CCDC97: variants seen among roughly 807,000 people sequenced by gnomAD.
CCDC97 encodes the protein coiled-coil domain-containing protein 97.
A neutral mutation model predicts 33.9 loss-of-function variants in CCDC97; 27 were observed. The ratio of observed to expected loss-of-function variants is 0.80; its 90% CI spans 0.59 to 1.10. The LOEUF (loss-of-function observed/expected upper bound fraction) is 1.10. Among genes scored for constraint, CCDC97 ranks in the 50% least tolerant of loss-of-function variants. The pLI, the probability that CCDC97 is intolerant of heterozygous loss-of-function variation, is 0.00. For missense variants in CCDC97, 422 were observed against 476.6 expected, an observed-to-expected ratio of 0.89 and a Z score of 1.07; for synonymous variants, 217 against 194.0, an observed-to-expected ratio of 1.12 and a Z score of -0.99.
At chr19:41,319,511 C>A in intron 2 of CCDC97, 63 bp from the exon 3 acceptor site, 1 of 1,183,442 alleles carries the variant, frequency 8.4e-7, no homozygotes, top group Non-Finnish European at 1.2e-6. Context: ...CACACACATA[C>A]CCACATGGAC....
At position 41,316,763 on chromosome 19, in the gene CCDC97, G is replaced by C. The variant is rs2037753381; in HGVS notation, c.426G>C (p.Gln142His). ...ADFYCAEVAR[Q>H]GTARPRTLRT... ...TCTACTGTGCTGAGGTGGCCCGGCA[G>C]GGCACTGCCCGGCCCCGCACCCTGC... The change falls in exon 2 of 5, where the codon CAG becomes CAC. Residue 142 changes from glutamine (Q) to histidine (H), a missense_variant. Transcript: ENST00000269967. 1 of 1,612,816 alleles carries C rather than the reference G, an allele frequency of 6.2e-7. No individual in the cohort carries two copies. Among genetic ancestry groups the C allele is most frequent in the African/African-American group, 1.3e-5 (1 of 74,934 alleles).
chr19:41,317,771 C>T (rs1038751951), intron 2 of CCDC97, among the ~76,000 whole-genome samples: 65 of 149,632 alleles, frequency 4.3e-4, no homozygotes, highest in Non-Finnish European at 9.0e-4. Flanking sequence ...GAAGATGGGC[C>T]GGGCACAGTC....
chr19:41,310,655 C>A (rs1226378152), intron 1 of CCDC97: 7 of 1,322,566 alleles, frequency 5.3e-6, no homozygotes, highest in Non-Finnish European at 6.8e-6. Context: ...CCTCTCTACC[C>A]CGGCCTAATT....
At chr19:41,316,362 A>G in intron 1 of CCDC97, 22 bp from the exon 2 acceptor site, 1 of 1,592,748 alleles carries the variant, frequency 6.3e-7, no homozygotes, top group East Asian at 2.3e-5. Context: ...TCTCTGAACT[A>G]ACCAATCTCT....
chr19:41,312,376 C>CA (rs1327584933), intron 1 of CCDC97, among the ~76,000 whole-genome samples: 1 of 152,170 alleles, frequency 6.6e-6, no homozygotes, highest in Non-Finnish European at 1.5e-5. Flanking sequence ...TGAGCCACCA[C>CA]ACTTGGCCCA....
At position 41,310,211 on chromosome 19, in the gene CCDC97, G is replaced by T. The variant is rs771222461; in HGVS notation, c.-100G>T. ...GGTGCCTGGGCGCAGCGGTGCACCCGGACCCGGAACATTCTCAGGCGAAAG... is the reference window on the plus strand; with the variant it reads ...GGTGCCTGGGCGCAGCGGTGCACCCTGACCCGGAACATTCTCAGGCGAAAG... On this transcript the variant is annotated 5_prime_UTR_variant, in exon 1 of 5. Coordinates refer to ENST00000269967, the MANE Select transcript of CCDC97 (RefSeq NM_052848.3). 25 of 1,507,090 alleles carry T rather than the reference G, an allele frequency of 1.7e-5. No individual in the cohort carries two copies. Among genetic ancestry groups the T allele is most frequent in the Non-Finnish European group, 2.2e-5 (24 of 1,109,832 alleles). The allele number at this position is 1,507,090 out of a possible 1,614,324, so 93.4% of individuals were successfully genotyped here.
At position 41,322,904 on chromosome 19, in the gene CCDC97, T is replaced by C; in HGVS notation, c.*189T>C. On this transcript the variant is annotated 3_prime_UTR_variant, in exon 5 of 5. Coordinates refer to ENST00000269967, the MANE Select transcript of CCDC97 (RefSeq NM_052848.3). ...ACCCCCACTGTTTCTGGGGTTCCCT[T>C]TCTCATCTCTCCCACCCTGTCTCCT... 2.0e-6 allele frequency: 1 copy of C among 503,160 alleles called. No homozygotes were observed. Among genetic ancestry groups the C allele is most frequent in the Non-Finnish European group, 3.4e-6 (1 of 293,320 alleles). 31.2% of individuals were successfully genotyped at this position (503,160 alleles called of 1,614,324 possible). A position where few individuals can be genotyped will look rare whatever the true frequency, so the allele number is the denominator to read the frequency against.
chr19:41,316,744 G>A lies in CCDC97; in HGVS notation c.407G>A (p.Cys136Tyr), dbSNP rs750422859. The A allele has an allele frequency of 2.5e-6, 4 of 1,613,444 alleles. No homozygotes were observed. The highest frequency in any genetic ancestry group is 1.3e-5 in the African/African-American group (1 of 74,928). Reference sequence around the variant, plus strand: ...GGCGACCACCGTGCAGACTTCTACTGTGCTGAGGTGGCCCGGCAGGGCACT... The same window carrying A: ...GGCGACCACCGTGCAGACTTCTACTATGCTGAGGTGGCCCGGCAGGGCACT... ...VRGDHRADFY[C>Y]AEVARQGTAR... The change falls in exon 2 of 5, where the codon TGT becomes TAT. Residue 136 changes from cysteine (C) to tyrosine (Y), a missense_variant. Coordinates refer to ENST00000269967, the MANE Select transcript of CCDC97 (RefSeq NM_052848.3).
Position 41,324,482 on chromosome 19 carries a change from G to A in CCDC97, c.*1767G>A, listed in dbSNP as rs1023926377. ...AGTGTGCATGCAGATGTCCTCAGACGGGAAGGTTTGAGAAGGGTCAGATGG... is the reference window on the plus strand; with the variant it reads ...AGTGTGCATGCAGATGTCCTCAGACAGGAAGGTTTGAGAAGGGTCAGATGG... On this transcript the variant is annotated 3_prime_UTR_variant, in exon 5 of 5. Transcript: ENST00000269967. 2.6e-5 allele frequency: 4 copies of A among 152,372 alleles called. No homozygotes were observed. Among genetic ancestry groups the A allele is most frequent in the South Asian group, 4.1e-4 (2 of 4,826 alleles). The allele number at this position is 152,372 out of a possible 1,614,324, so 9.4% of individuals were successfully genotyped here.
chr19:41,310,672 T>C, intron 1 of CCDC97: 1 of 1,293,352 alleles, frequency 7.7e-7, no homozygotes, highest in South Asian at 1.9e-5. Context: ...AATTCCTGCA[T>C]TGCCTCAGAC....
At chr19:41,322,553 TC>T (rs754615174) in intron 4 of CCDC97, 41 bp from the exon 5 acceptor site, 61 of 1,601,274 alleles carry the variant, frequency 3.8e-5, no homozygotes, top group Non-Finnish European at 7.7e-6. Flanking sequence ...CATCCGAGGG[TC>T]CCAGGGAGAC....
rs1444712529 is a variant in CCDC97 at position 41,310,222 on chromosome 19, A to G, written c.-89A>G. 11 of 1,532,320 alleles carry G rather than the reference A, an allele frequency of 7.2e-6. No individual in the cohort carries two copies. Among genetic ancestry groups the G allele is most frequent in the Admixed American group, 3.9e-5 (2 of 50,942 alleles). 94.9% of individuals were successfully genotyped at this position (1,532,320 alleles called of 1,614,324 possible). A position where few individuals can be genotyped will look rare whatever the true frequency, so the allele number is the denominator to read the frequency against. On this transcript the variant is annotated 5_prime_UTR_variant, in exon 1 of 5. Coordinates refer to ENST00000269967, the MANE Select transcript of CCDC97 (RefSeq NM_052848.3). ...GCAGCGGTGCACCCGGACCCGGAAC[A>G]TTCTCAGGCGAAAGTGTCTCTTGCG...
intron 4 of CCDC97, 119 bp from the exon 5 acceptor site, chr19:41,322,476 G>A: frequency 2.8e-6 from 3 of 1,065,066 alleles, no homozygotes; most frequent in Non-Finnish European, 4.1e-6. Flanking sequence ...TCCCTTGGGA[G>A]GGTCAGCTCT....
At position 41,310,286 on chromosome 19, in the gene CCDC97, G is replaced by A; in HGVS notation, c.-25G>A. 1 of 1,591,068 alleles carries A rather than the reference G, an allele frequency of 6.3e-7. No homozygotes were observed. The highest frequency in any genetic ancestry group is 8.6e-7 in the Non-Finnish European group (1 of 1,169,132). ...GGTTAGTGTGCGGGGCCCGCCGGGC[G>A]GTTGAAAAGTCCGAGAGAATCAGGA... On this transcript the variant is annotated 5_prime_UTR_variant, in exon 1 of 5. Coordinates refer to ENST00000269967, the MANE Select transcript of CCDC97 (RefSeq NM_052848.3).
At chr19:41,311,421 C>T (rs988288926) in intron 1 of CCDC97, among the ~76,000 whole-genome samples, 2 of 151,196 alleles carry the variant, frequency 1.3e-5, no homozygotes, top group Admixed American at 6.6e-5. Flanking sequence ...CATAGCCAGA[C>T]CCCATCTCTA....
intron 2 of CCDC97, among the ~76,000 whole-genome samples, chr19:41,318,989 A>G (rs928099752): frequency 5.9e-5 from 9 of 152,178 alleles, no homozygotes; most frequent in African/African-American, 2.2e-4. Context: ...CTTCTGCTGC[A>G]TTGTCCTGCA....
chr19:41,317,263 G>T (rs1269768306), intron 2 of CCDC97, among the ~76,000 whole-genome samples: 2 of 152,142 alleles, frequency 1.3e-5, no homozygotes, highest in Non-Finnish European at 1.5e-5. Context: ...AAGACACACG[G>T]TGAAAACCAT....
At position 41,319,807 on chromosome 19, in the gene CCDC97, G is replaced by T. The variant is rs1278174257; in HGVS notation, c.736G>T (p.Ala246Ser). 1 of 1,599,982 alleles carries T rather than the reference G, an allele frequency of 6.3e-7. No homozygotes were observed. Among genetic ancestry groups the T allele is most frequent in the Non-Finnish European group, 8.5e-7 (1 of 1,171,120 alleles). ...GCTCCAACAGCAGGAGGAGGAGGAG[G>T]CCTGCTTGGAGGAAGAGGAAGAGGA... ...RLLQQQEEEE[A>S]CLEEEEEEED... is the part of the protein sequence containing the mutation. The change falls in exon 3 of 5, where the codon GCC (alanine) becomes TCC (serine). Residue 246 changes from alanine to serine, a missense_variant. By Grantham distance (99) the Ala-to-Ser change is moderately conservative. Transcript: ENST00000269967.
chr19:41,316,853 A>T lies in CCDC97; in HGVS notation c.502+14A>T. 6.4e-7 allele frequency: 1 copy of T among 1,568,014 alleles called. No homozygotes were observed. The highest frequency in any genetic ancestry group is 1.8e-4 in the Middle Eastern group (1 of 5,642). Reference sequence around the variant, plus strand: ...AGCTGATCCAAGGTGTGGGGGCCAGATGGGCGACAGTGGGCACATATGGGG... The same window carrying T: ...AGCTGATCCAAGGTGTGGGGGCCAGTTGGGCGACAGTGGGCACATATGGGG... On this transcript the variant is annotated intron_variant, in intron 2 of 4. Coordinates refer to ENST00000269967, the MANE Select transcript of CCDC97 (RefSeq NM_052848.3).
Sources: gnomAD v4.1 joint callset for allele counts (sites outside exome capture counted in the v4.1 genomes callset) on GRCh38, gnomAD v4.1.1 for gene constraint, MANE v1.5 for transcripts, NCBI Gene and HGNC (gene_info 2026-07-23, HGNC 2026-07-21) for gene names.